The following SUMF1 variants were observed in gnomAD, a reference collection of about 807,000 sequenced individuals.
SUMF1 encodes formylglycine-generating enzyme.
A neutral mutation model predicts 47.6 loss-of-function variants in SUMF1; 48 were observed. That is an observed-to-expected ratio of 1.01 (90% CI 0.80 to 1.28). The LOEUF is 1.28. SUMF1 is among the 50% of genes most tolerant of loss of function. The probability of loss-of-function intolerance (pLI) is 0.00; values close to 1 mark genes in which losing one functional copy is unlikely to be tolerated. For missense variants in SUMF1, 571 were observed against 485.4 expected (o/e 1.18, Z -1.66); for synonymous variants, 230 against 192.1 (o/e 1.20, Z -1.63).
intron 3 of SUMF1, among the ~76,000 whole-genome samples, chr3:4,429,621 T>C (rs562547111): frequency 4.1e-4 from 63 of 152,352 alleles, no homozygotes; most frequent in African/African-American, 1.4e-3. Flanking sequence ...ACAGGGGCTC[T>C]TGTTGCAAAG....
At chr3:4,155,626 G>A (rs1187713702) in intron 8 of SUMF1, among the ~76,000 whole-genome samples, 2 of 151,398 alleles carry the variant, frequency 1.3e-5, no homozygotes, top group African/African-American at 2.5e-5. Flanking sequence ...GATGTGATTT[G>A]GGGCTCAGCT....
At chr3:4,165,685 C>G (rs912018203) in intron 8 of SUMF1, among the ~76,000 whole-genome samples, 11 of 152,024 alleles carry the variant, frequency 7.2e-5, no homozygotes, top group African/African-American at 2.2e-4. Flanking sequence ...TTTTCCCCAT[C>G]AGAGAGAGAA....
chr3:4,174,396 G>A (rs1183400372), intron 8 of SUMF1, among the ~76,000 whole-genome samples: 1 of 150,354 alleles, frequency 6.7e-6, no homozygotes, highest in Non-Finnish European at 1.5e-5. Flanking sequence ...ACCCAGTTTG[G>A]AAATTAAACC....
At chr3:4,461,602 G>C (rs750874320) in intron 1 of SUMF1, among the ~76,000 whole-genome samples, 2 of 151,210 alleles carry the variant, frequency 1.3e-5, no homozygotes, top group Non-Finnish European at 2.9e-5. Context: ...ATGCAATCAT[G>C]ACTTCCATGT....
chr3:4,436,468 T>G (rs904350154), intron 3 of SUMF1, among the ~76,000 whole-genome samples: 37 of 152,066 alleles, frequency 2.4e-4, no homozygotes, highest in African/African-American at 8.5e-4. Context: ...AAAGTGAGGT[T>G]AAGAGACATT....
intron 8 of SUMF1, among the ~76,000 whole-genome samples, chr3:4,236,308 G>A (rs548187887): frequency 1.3e-5 from 2 of 152,232 alleles, no homozygotes; most frequent in South Asian, 4.1e-4. Flanking sequence ...TTGATAAGTT[G>A]TAAATTTCCC....
intron 8 of SUMF1, among the ~76,000 whole-genome samples, chr3:4,368,407 A>G (rs1700052972): frequency 6.6e-6 from 1 of 152,216 alleles, no homozygotes; most frequent in Non-Finnish European, 1.5e-5. Context: ...AACTAGTTCA[A>G]CCATTGTGGA....
intron 8 of SUMF1, among the ~76,000 whole-genome samples, chr3:4,161,599 G>A (rs369056455): frequency 6.6e-6 from 1 of 151,974 alleles, no homozygotes; most frequent in Non-Finnish European, 1.5e-5. Flanking sequence ...CCCACAGAGA[G>A]TACTGCCAGA....
At chr3:4,262,825 C>A (rs777376193) in intron 8 of SUMF1, among the ~76,000 whole-genome samples, 12 of 152,174 alleles carry the variant, frequency 7.9e-5, no homozygotes, top group Non-Finnish European at 1.8e-4. Flanking sequence ...AGGCGAGGTC[C>A]ACCCCAACCA....
chr3:4,443,138 C>A (rs867678335), intron 3 of SUMF1, among the ~76,000 whole-genome samples: 5 of 151,872 alleles, frequency 3.3e-5, no homozygotes, highest in African/African-American at 1.2e-4. Context: ...ATTAGCCGGG[C>A]GTGGTGGCGG....
intron 8 of SUMF1, among the ~76,000 whole-genome samples, chr3:4,149,578 T>A (rs2125103863): frequency 6.6e-6 from 1 of 152,270 alleles, no homozygotes; most frequent in South Asian, 2.1e-4. Context: ...TAGGAATTTC[T>A]TCCTCAGACT....
chr3:4,069,733 T>A (rs962275908), intron 8 of SUMF1, among the ~76,000 whole-genome samples: 2 of 152,122 alleles, frequency 1.3e-5, no homozygotes, highest in Non-Finnish European at 2.9e-5. Context: ...TCAGATGGGT[T>A]TTATTCTATA....
Position 4,147,953 on chromosome 3 carries a change from C to T in SUMF1, c.1015-79208G>A, listed in dbSNP as rs113790499. ...TTTTCCACCTGAAGATAAGCAGCTCCGCACTATGCTAGGAAATCACATTTA... is the reference window on the plus strand; with the variant it reads ...TTTTCCACCTGAAGATAAGCAGCTCTGCACTATGCTAGGAAATCACATTTA... On this transcript the variant is annotated intron_variant and NMD_transcript_variant, in intron 8 of 12. Coordinates refer to the SUMF1 transcript ENST00000448413. Among the ~76,000 whole-genome samples, 109 of 152,168 alleles carry T rather than the reference C, an allele frequency of 7.2e-4. 3 individuals are homozygous for T. Among genetic ancestry groups the T allele is most frequent in the African/African-American group, 1.0e-3 (42 of 41,504 alleles).
chr3:4,298,247 G>T (rs1033694696), intron 8 of SUMF1, among the ~76,000 whole-genome samples: 2 of 152,048 alleles, frequency 1.3e-5, no homozygotes, highest in African/African-American at 4.8e-5. Flanking sequence ...AAGGTTCCTG[G>T]TCAATGAAAA....
intron 8 of SUMF1, chr3:4,303,449 C>A (rs1214368351): frequency 1.3e-6 from 2 of 1,545,798 alleles, no homozygotes; most frequent in African/African-American, 1.4e-5. Flanking sequence ...CCCGACTGAG[C>A]AGCTGGATGT....
At chr3:4,416,106 G>A (rs145518354) in intron 6 of SUMF1, among the ~76,000 whole-genome samples, 8 of 152,198 alleles carry the variant, frequency 5.3e-5, no homozygotes, top group South Asian at 2.1e-4. Context: ...GCAAAAGAAC[G>A]GTGAGAAAAG....
intron 8 of SUMF1, among the ~76,000 whole-genome samples, chr3:4,227,159 G>T (rs1696191925): frequency 6.6e-6 from 1 of 152,156 alleles, no homozygotes; most frequent in East Asian, 1.9e-4. Flanking sequence ...GAGCTTCTTT[G>T]GGTATAACGA....
intron 8 of SUMF1, among the ~76,000 whole-genome samples, chr3:4,234,405 C>T (rs1383865857): frequency 6.6e-6 from 1 of 152,010 alleles, no homozygotes; most frequent in Non-Finnish European, 1.5e-5. Flanking sequence ...TGTTTTCTTT[C>T]ATGTTTCTGC....
intron 8 of SUMF1, among the ~76,000 whole-genome samples, chr3:4,090,193 T>C (rs965459497): frequency 6.6e-6 from 1 of 152,082 alleles, no homozygotes. Flanking sequence ...ATAATGCTGC[T>C]TCATTCAACA....
Sources: allele counts gnomAD v4.1 joint callset (sites outside exome capture counted in the v4.1 genomes callset), GRCh38; gene constraint gnomAD v4.1.1; transcripts MANE v1.5; gene names NCBI Gene and HGNC (gene_info 2026-07-23, HGNC 2026-07-21).